The following ACYP2 variants were observed in gnomAD, a reference collection of about 807,000 sequenced individuals.
ACYP2 encodes the protein acylphosphatase-2.
Under a neutral mutation model 11.2 loss-of-function variants are expected in ACYP2, and 12 were observed. That is an observed-to-expected ratio of 1.08 (90% CI 0.69 to 1.74). ACYP2 has a LOEUF of 1.74. ACYP2 is among the 40% of genes most tolerant of loss of function. ACYP2 has a pLI of 0.00. For synonymous variants in ACYP2, 43 were observed against 32.2 expected, an observed-to-expected ratio of 1.33 and a Z score of -1.13; for missense variants, 134 against 101.9, an observed-to-expected ratio of 1.31 and a Z score of -1.35.
At chr2:54,098,429 C>T (rs1260462259) in intron 4 of ACYP2, among the ~76,000 whole-genome samples, 1 of 152,072 alleles carries the variant, frequency 6.6e-6, no homozygotes, top group Non-Finnish European at 1.5e-5. Flanking sequence ...CTCTCCCTGC[C>T]ATTGATTCAT....
intron 2 of ACYP2, among the ~76,000 whole-genome samples, chr2:54,030,111 TAGA>T (rs1674505679): frequency 6.6e-6 from 1 of 152,190 alleles, no homozygotes; most frequent in Non-Finnish European, 1.5e-5. Flanking sequence ...TTGTTTCAAT[TAGA>T]AGGTCGGAGG....
chr2:54,271,764 T>C (rs1453242528), intron 6 of ACYP2, among the ~76,000 whole-genome samples: 1 of 152,090 alleles, frequency 6.6e-6, no homozygotes, highest in African/African-American at 2.4e-5. Context: ...TAAATGGGAT[T>C]TCTTCTCTTT....
At chr2:54,134,425 G>A (rs1047547554) in intron 4 of ACYP2, among the ~76,000 whole-genome samples, 2 of 152,088 alleles carry the variant, frequency 1.3e-5, no homozygotes, top group Non-Finnish European at 2.9e-5. Context: ...ATACACAAAT[G>A]TTTTATTACA....
chr2:54,074,805 C>G (rs1000527116), intron 4 of ACYP2, among the ~76,000 whole-genome samples: 1 of 152,150 alleles, frequency 6.6e-6, no homozygotes, highest in Non-Finnish European at 1.5e-5. Flanking sequence ...GGTCTAAAGG[C>G]TGCAGAATTT....
chr2:53,986,192 G>A (rs1247053252), intron 2 of ACYP2, among the ~76,000 whole-genome samples: 1 of 151,910 alleles, frequency 6.6e-6, no homozygotes, highest in African/African-American at 2.4e-5. Context: ...CCCTCTTTCT[G>A]TTGCCTCCTC....
At chr2:54,277,259 A>G (rs544974873) in intron 6 of ACYP2, among the ~76,000 whole-genome samples, 2 of 152,324 alleles carry the variant, frequency 1.3e-5, no homozygotes, top group Admixed American at 1.3e-4. Context: ...TCAGTGACAA[A>G]TAACTCTCCC....
intron 6 of ACYP2, among the ~76,000 whole-genome samples, chr2:54,190,371 G>A (rs1684191016): frequency 6.6e-6 from 1 of 151,734 alleles, no homozygotes. Context: ...TCATGTCTAG[G>A]AAAACTTGAA....
Position 53,995,488 on chromosome 2 carries a change from T to TTTTTTTTA in ACYP2, c.62+21681_62+21682insTTTTATTT, listed in dbSNP as rs1553350325. Among the ~76,000 whole-genome samples, 28 of 145,116 alleles carry TTTTTTTTA rather than the reference T, an allele frequency of 1.9e-4. 1 individual carries two copies. In the East Asian group the frequency reaches 3.6e-3, roughly 19 times the overall value. ...ATTATTTTTTATTTATTTATTTATTTTTTATTTATTTATTTATTTATTTAT... is the reference window on the plus strand; with the variant it reads ...ATTATTTTTTATTTATTTATTTATTTTTTTTTTATTTATTTATTTATTTATTTATTTAT... On this transcript the variant is annotated intron_variant, in intron 2 of 6. Coordinates refer to ENST00000607452, the MANE Select transcript of ACYP2 (RefSeq NM_001320586.2).
intron 6 of ACYP2, among the ~76,000 whole-genome samples, chr2:54,189,679 A>G (rs1174454289): frequency 6.6e-6 from 1 of 152,160 alleles, no homozygotes; most frequent in Non-Finnish European, 1.5e-5. Flanking sequence ...GAGAGTGCAG[A>G]TATCTTTACA....
chr2:54,156,399 A>T (rs1183984709), intron 6 of ACYP2, among the ~76,000 whole-genome samples: 1 of 152,080 alleles, frequency 6.6e-6, no homozygotes, highest in East Asian at 1.9e-4. Context: ...TTAGCTATTT[A>T]TCCTGATGCT....
At chr2:53,997,408 TG>T (rs562781594) in intron 2 of ACYP2, among the ~76,000 whole-genome samples, 137 of 152,258 alleles carry the variant, frequency 9.0e-4, no homozygotes, top group African/African-American at 3.2e-3. Flanking sequence ...CGGCTTCAAG[TG>T]ATTCTCATGC....
intron 2 of ACYP2, among the ~76,000 whole-genome samples, chr2:54,025,361 T>C (rs1199538787): frequency 1.3e-5 from 2 of 152,144 alleles, no homozygotes; most frequent in African/African-American, 4.8e-5. Flanking sequence ...CAAAACAGCA[T>C]GGTATTGGCA....
intron 6 of ACYP2, among the ~76,000 whole-genome samples, chr2:54,281,092 A>G (rs1439447176): frequency 6.6e-6 from 1 of 152,250 alleles, no homozygotes; most frequent in East Asian, 1.9e-4. Flanking sequence ...GAAATAACAT[A>G]ATTTAAAACA....
At chr2:54,010,547 A>G (rs931324104) in intron 2 of ACYP2, among the ~76,000 whole-genome samples, 2 of 151,924 alleles carry the variant, frequency 1.3e-5, no homozygotes, top group African/African-American at 4.8e-5. Flanking sequence ...GTATGCCTGT[A>G]TCAAAATATT....
chr2:54,115,578 GGACC>G, intron 4 of ACYP2, 33 bp from the exon 1 acceptor site: 1 of 1,539,824 alleles, frequency 6.5e-7, no homozygotes, highest in Non-Finnish European at 8.8e-7. Flanking sequence ...CTAGCGTCCG[GGACC>G]GGTGACAGGC....
At chr2:54,209,362 C>G (rs1325144047) in intron 6 of ACYP2, among the ~76,000 whole-genome samples, 1 of 152,116 alleles carries the variant, frequency 6.6e-6, no homozygotes, top group Admixed American at 6.5e-5. Flanking sequence ...AATACCCTGT[C>G]CATCCTAGAA....
At chr2:54,264,951 A>T (rs552611783) in intron 6 of ACYP2, among the ~76,000 whole-genome samples, 5 of 152,220 alleles carry the variant, frequency 3.3e-5, no homozygotes, top group African/African-American at 4.8e-5. Context: ...GGTATTTCCA[A>T]CTTACCTTCA....
At chr2:54,284,424 G>C (rs1688990133) in intron 6 of ACYP2, among the ~76,000 whole-genome samples, 1 of 152,092 alleles carries the variant, frequency 6.6e-6, no homozygotes, top group South Asian at 2.1e-4. Context: ...TCCACTGCTA[G>C]AATCTATTCA....
At chr2:54,217,364 TTTTG>T (rs1337107932) in intron 6 of ACYP2, among the ~76,000 whole-genome samples, 10 of 152,162 alleles carry the variant, frequency 6.6e-5, no homozygotes, top group African/African-American at 1.4e-4. Context: ...GCTCTAGGTT[TTTTG>T]TTTGTTTGTT....
Sources: gnomAD v4.1 joint callset for allele counts (sites outside exome capture counted in the v4.1 genomes callset) on GRCh38, gnomAD v4.1.1 for gene constraint, MANE v1.5 for transcripts, NCBI Gene and HGNC (gene_info 2026-07-23, HGNC 2026-07-21) for gene names.